SIPA1L2: variants seen among roughly 807,000 people sequenced by gnomAD.
SIPA1L2 encodes signal induced proliferation associated 1 like 2.
In SIPA1L2, 56 loss-of-function variants were observed where a neutral mutation model predicts 163.9. The observed-to-expected ratio is 0.34, with a 90% CI of 0.28 to 0.43. SIPA1L2 has a LOEUF of 0.43. Ranked by LOEUF, SIPA1L2 falls within the 20% of genes least tolerant of loss-of-function variation. The pLI, the probability that SIPA1L2 is intolerant of heterozygous loss-of-function variation, is 1.00. For missense variants in SIPA1L2, 1,974 were observed against 2,193.5 expected, an observed-to-expected ratio of 0.90 and a Z score of 2.00; for synonymous variants, 877 against 865.7, an observed-to-expected ratio of 1.01 and a Z score of -0.23.
rs776604841 is a variant in SIPA1L2 at position 232,439,236 on chromosome 1, G to C, written c.3903C>G (p.Ala1301=). ...GCTCGTCGTCAGGCCCAGAGACGTC[G>C]GCAGCATCAGCCCACTGCTCGGCCC... is the stretch of plus-strand genomic sequence containing the variant. ...HSRAEQWADA[A]DVSGPDDEPA... Residue 1301 remains alanine, a synonymous_variant, in exon 15 of 23, where the codon GCC becomes GCG. Transcript: ENST00000674635. 1 of 1,613,980 alleles carries C rather than the reference G, an allele frequency of 6.2e-7. No individual in the cohort carries two copies. Among genetic ancestry groups the C allele is most frequent in the Non-Finnish European group, 8.5e-7 (1 of 1,180,040 alleles).
rs1205588324 is a variant in SIPA1L2 at position 232,515,282 on chromosome 1, T to G, written c.58A>C (p.Lys20Gln). The G allele has an allele frequency of 6.2e-7, 1 of 1,613,432 alleles. No individual in the cohort carries two copies. Among genetic ancestry groups the G allele is most frequent in the East Asian group, 2.2e-5 (1 of 44,870 alleles). The change falls in exon 3 of 23, where the codon AAG becomes CAG. Residue 20 changes from lysine to glutamine, a missense_variant. Around this residue, in one of 3 missense-constraint regions of SIPA1L2, gnomAD observed 607 missense variants for 624.0 expected, o/e 0.97. Coordinates refer to ENST00000674635, the MANE Select transcript of SIPA1L2 (RefSeq NM_020808.5). ...ATGATTCTAGGGGGATCCTTGAACT[T>G]TGAAGAGGCTCTGCCTAGCTTGTGC... ...EKHKLGRASSKFKDPPRIMQS... is the reference protein window; with the variant it reads ...EKHKLGRASSQFKDPPRIMQS...
chr1:232,582,205 A>AG (rs1316094688), intron 1 of SIPA1L2, among the ~76,000 whole-genome samples: 1 of 152,064 alleles, frequency 6.6e-6, no homozygotes, highest in African/African-American at 2.4e-5. Flanking sequence ...TTTTAGATAC[A>AG]GGGGGTACAT....
In SIPA1L2 at chr1:232,515,141, C is replaced by A; in HGVS notation, c.199G>T (p.Gly67Cys). 6.2e-7 allele frequency: 1 copy of A among 1,613,928 alleles called. No homozygotes were observed. Among genetic ancestry groups the A allele is most frequent in the Non-Finnish European group, 8.5e-7 (1 of 1,179,908 alleles). ...NETGGGGPAN[G>C]TPAVPKMGVR... ...CCCATCTTGGGCACAGCTGGGGTAC[C>A]ATTAGCCGGACCACCACCGCCAGTC... Residue 67 changes from glycine (G) to cysteine (C), a missense_variant, in exon 3 of 23, where the codon GGT (glycine) becomes TGT (cysteine). This residue lies in a region of SIPA1L2 where 607 missense variants were observed against 624.0 expected (regional missense o/e 0.97). Coordinates refer to ENST00000674635, the MANE Select transcript of SIPA1L2 (RefSeq NM_020808.5).
At chr1:232,462,383 T>G in intron 9 of SIPA1L2, 2 of 1,484,534 alleles carry the variant, frequency 1.3e-6, no homozygotes, top group Non-Finnish European at 1.8e-6. Flanking sequence ...TCTGACTACA[T>G]AGATACCTAT....
intron 1 of SIPA1L2, among the ~76,000 whole-genome samples, chr1:232,578,574 T>A (rs1052296540): frequency 6.6e-6 from 1 of 152,312 alleles, no homozygotes; most frequent in East Asian, 1.9e-4. Flanking sequence ...AGTCCTCAAC[T>A]TGAGTTTACA....
chr1:232,606,911 C>G (rs61823264), intron 1 of SIPA1L2, among the ~76,000 whole-genome samples: 3 of 151,898 alleles, frequency 2.0e-5, no homozygotes, highest in South Asian at 4.1e-4. Context: ...TAAACATTTG[C>G]TAATTACTTG....
intron 1 of SIPA1L2, among the ~76,000 whole-genome samples, chr1:232,602,835 G>A (rs868754119): frequency 2.6e-5 from 4 of 152,314 alleles, no homozygotes; most frequent in East Asian, 1.9e-4. Flanking sequence ...ACATGGGGCC[G>A]TTGAGCACCT....
At chr1:232,451,542 C>G (rs1663575995) in intron 10 of SIPA1L2, among the ~76,000 whole-genome samples, 1 of 152,206 alleles carries the variant, frequency 6.6e-6, no homozygotes. Flanking sequence ...AAAAAACAAG[C>G]TGCTCAACCC....
chr1:232,617,683 A>G (rs1662573214), intron 1 of SIPA1L2, among the ~76,000 whole-genome samples: 1 of 152,216 alleles, frequency 6.6e-6, no homozygotes, highest in Non-Finnish European at 1.5e-5. Flanking sequence ...AAGGTGGGAA[A>G]CAAAAAGAGT....
chr1:232,458,251 C>T (rs1379917636), intron 10 of SIPA1L2, among the ~76,000 whole-genome samples: 1 of 152,178 alleles, frequency 6.6e-6, no homozygotes, highest in Admixed American at 6.5e-5. Flanking sequence ...TCTTGCCTAG[C>T]TCCATTAAGA....
At chr1:232,584,091 C>T (rs1325733581) in intron 1 of SIPA1L2, among the ~76,000 whole-genome samples, 3 of 151,380 alleles carry the variant, frequency 2.0e-5, no homozygotes, top group African/African-American at 4.9e-5. Context: ...TCATAAGATG[C>T]CCATTCCAAA....
chr1:232,462,415 A>C, intron 9 of SIPA1L2: 1 of 1,438,918 alleles, frequency 6.9e-7, no homozygotes, highest in Non-Finnish European at 9.1e-7. Context: ...TATGACAGTA[A>C]GTACAGCTGT....
intron 3 of SIPA1L2, among the ~76,000 whole-genome samples, chr1:232,509,833 A>C (rs948525261): frequency 3.3e-5 from 5 of 152,218 alleles, no homozygotes; most frequent in African/African-American, 1.2e-4. Flanking sequence ...ATATAGGAGG[A>C]GGCAGGACAC....
At position 232,620,907 on chromosome 1, in the gene SIPA1L2, A is replaced by T. The variant is rs114019634; in HGVS notation, c.-319+8962T>A. On this transcript the variant is annotated intron_variant, in intron 1 of 22. Coordinates refer to ENST00000674635, the MANE Select transcript of SIPA1L2 (RefSeq NM_020808.5). The stretch of plus-strand genomic sequence containing the variant: ...GGGTGTTATTTTCTTTGTTGTAAGC[A>T]CTTATTCTTTGGGTGAGTAAAGTAC... Among the ~76,000 whole-genome samples, 1,350 of 152,354 alleles carry T rather than the reference A, an allele frequency of 8.9e-3. 11 individuals carry two copies. Among genetic ancestry groups the T allele is most frequent in the South Asian group, 0.018 (87 of 4,832 alleles).
intron 1 of SIPA1L2, among the ~76,000 whole-genome samples, chr1:232,602,033 A>C (rs1661622038): frequency 6.6e-6 from 1 of 152,166 alleles, no homozygotes; most frequent in Non-Finnish European, 1.5e-5. Flanking sequence ...CCTTGAGAAA[A>C]GCCCTCGCAT....
chr1:232,619,142 T>C (rs573032461), intron 1 of SIPA1L2, among the ~76,000 whole-genome samples: 9 of 152,378 alleles, frequency 5.9e-5, no homozygotes, highest in African/African-American at 1.9e-4. Flanking sequence ...GAGAGTGTTC[T>C]GTATGTATCT....
At chr1:232,536,493 T>C (rs868232330) in intron 2 of SIPA1L2, among the ~76,000 whole-genome samples, 1 of 152,192 alleles carries the variant, frequency 6.6e-6, no homozygotes, top group Non-Finnish European at 1.5e-5. Context: ...TCTCACCCTG[T>C]TTCAGATGGT....
At chr1:232,431,920 CTG>C (rs1243205856) in intron 16 of SIPA1L2, among the ~76,000 whole-genome samples, 9 of 152,206 alleles carry the variant, frequency 5.9e-5, no homozygotes, top group African/African-American at 1.2e-4. Context: ...ACACAGGACT[CTG>C]TGGGAATTTG....
At chr1:232,412,259 G>A (rs1572858072) in intron 19 of SIPA1L2, among the ~76,000 whole-genome samples, 1 of 152,104 alleles carries the variant, frequency 6.6e-6, no homozygotes, top group African/African-American at 2.4e-5. Flanking sequence ...AGTCTGCCAG[G>A]GATCAATTAC....
Sources: gnomAD v4.1 joint callset for allele counts (sites outside exome capture counted in the v4.1 genomes callset) on GRCh38, gnomAD v4.1.1 for gene constraint, gnomAD v4.1.1 regional missense constraint, MANE v1.5 for transcripts, NCBI Gene and HGNC (gene_info 2026-07-23, HGNC 2026-07-21) for gene names.